The following AMBRA1 variants were observed in gnomAD, a reference collection of about 807,000 sequenced individuals.
AMBRA1 encodes the protein autophagy and beclin 1 regulator 1.
AMBRA1 carries 47 observed loss-of-function variants against 125.4 expected under a neutral mutation model. That is an observed-to-expected ratio of 0.37 (90% CI 0.30 to 0.48). The LOEUF (loss-of-function observed/expected upper bound fraction) is 0.48. Ranked by LOEUF, AMBRA1 falls within the 20% of genes least tolerant of loss-of-function variation. The probability of loss-of-function intolerance (pLI) is 0.99; values close to 1 mark genes in which losing one functional copy is unlikely to be tolerated. For missense variants in AMBRA1, 1,331 were observed against 1,693.4 expected (o/e 0.79, Z 3.76); for synonymous variants, 626 against 655.5 (o/e 0.95, Z 0.69).
At chr11:46,528,799 G>C (rs1193964998) in intron 7 of AMBRA1, among the ~76,000 whole-genome samples, 1 of 152,076 alleles carries the variant, frequency 6.6e-6, no homozygotes, top group African/African-American at 2.4e-5. Flanking sequence ...AGATAAAAAG[G>C]GTTACATGTG....
chr11:46,464,861 A>G (rs967085548), intron 11 of AMBRA1, among the ~76,000 whole-genome samples: 1 of 152,094 alleles, frequency 6.6e-6, no homozygotes, highest in South Asian at 2.1e-4. Context: ...CCTGGCCAAC[A>G]GGGTGAAACC....
chr11:46,538,948 T>A (rs1952611863), intron 7 of AMBRA1, among the ~76,000 whole-genome samples: 1 of 152,186 alleles, frequency 6.6e-6, no homozygotes, highest in African/African-American at 2.4e-5. Context: ...GTAGCAGCAT[T>A]TCAAATGCTC....
chr11:46,449,040 T>C (rs1338627270), intron 11 of AMBRA1, among the ~76,000 whole-genome samples: 2 of 152,170 alleles, frequency 1.3e-5, no homozygotes, highest in African/African-American at 2.4e-5. Flanking sequence ...CTCTAACGTC[T>C]CTTCCAGAAA....
In AMBRA1 at chr11:46,499,477, C is replaced by T. The variant is rs190816784; in HGVS notation, c.2340-5273G>A. Among the ~76,000 whole-genome samples, 204 of 152,168 alleles carry T rather than the reference C, an allele frequency of 1.3e-3. No homozygotes were observed. In the Middle Eastern group the frequency reaches 0.017, roughly 13 times the overall value. ...TCTAAAGTTGCTAAGCAATATTACA[C>T]GTTTTTAAGCAATAAATCAAAGTCC... On this transcript the variant is annotated intron_variant, in intron 9 of 17. Coordinates refer to ENST00000683756, the MANE Select transcript of AMBRA1 (RefSeq NM_001387011.1).
chr11:46,469,086 T>C (rs1949461518), intron 11 of AMBRA1, among the ~76,000 whole-genome samples: 1 of 152,108 alleles, frequency 6.6e-6, no homozygotes. Context: ...GAGGTTGCAG[T>C]GAGCCGAAAT....
intron 7 of AMBRA1, among the ~76,000 whole-genome samples, chr11:46,515,923 T>C (rs1951460625): frequency 6.6e-6 from 1 of 152,172 alleles, no homozygotes. Context: ...ATCCGCCCGC[T>C]TTGGCCTCCC....
Position 46,433,576 on chromosome 11 carries a change from C to T in AMBRA1, c.2874G>A (p.Val958=). ...GCAGGATCCTTCGTGAGGCCAAGCC[C>T]ACCATTACATATCTGCCCATTGGGG... ...SLSPMGRYVM[V]GLASRRILLH... The change falls in exon 14 of 18, where the codon GTG becomes GTA. Residue 958 remains valine (V), a synonymous_variant. Coordinates refer to ENST00000683756, the MANE Select transcript of AMBRA1 (RefSeq NM_001387011.1). 1 of 1,614,174 alleles carries T rather than the reference C, an allele frequency of 6.2e-7. No homozygotes were observed. The highest frequency in any genetic ancestry group is 8.5e-7 in the Non-Finnish European group (1 of 1,180,000).
At chr11:46,469,890 C>T (rs1482415708) in intron 11 of AMBRA1, among the ~76,000 whole-genome samples, 1 of 147,454 alleles carries the variant, frequency 6.8e-6, no homozygotes, top group Non-Finnish European at 1.5e-5. Context: ...GTTGCCCAGA[C>T]TGGTCTCGAA....
chr11:46,552,990 G>A (rs2043056226), intron 1 of AMBRA1, among the ~76,000 whole-genome samples: 1 of 151,714 alleles, frequency 6.6e-6, no homozygotes, highest in Admixed American at 6.6e-5. Context: ...CCGTCACCCA[G>A]GCTGCAGTGC....
chr11:46,580,824 C>G (rs2044143570), intron 1 of AMBRA1, among the ~76,000 whole-genome samples: 1 of 152,128 alleles, frequency 6.6e-6, no homozygotes, highest in African/African-American at 2.4e-5. Flanking sequence ...CAGAGCCTTG[C>G]TCTGTCACCC....
intron 14 of AMBRA1, among the ~76,000 whole-genome samples, chr11:46,433,266 T>C (rs1221088580): frequency 6.6e-6 from 1 of 152,188 alleles, no homozygotes; most frequent in African/African-American, 2.4e-5. Flanking sequence ...GCACATATTC[T>C]AGGGTGTGAG....
chr11:46,546,192 T>G (rs1953009621), intron 4 of AMBRA1: 2 of 154,546 alleles, frequency 1.3e-5, no homozygotes, highest in Non-Finnish European at 2.9e-5. Flanking sequence ...CATGGCACCA[T>G]GCTCAGCTAA....
intron 11 of AMBRA1, among the ~76,000 whole-genome samples, chr11:46,465,236 C>T (rs1177847295): frequency 6.6e-6 from 1 of 152,114 alleles, no homozygotes; most frequent in African/African-American, 2.4e-5. Flanking sequence ...CCAATAAAGG[C>T]TCATGCTCCT....
chr11:46,539,341 T>G (rs1952628357), intron 7 of AMBRA1, among the ~76,000 whole-genome samples: 1 of 152,102 alleles, frequency 6.6e-6, no homozygotes, highest in South Asian at 2.1e-4. Context: ...GCAGATCACC[T>G]GAGGTCGGGA....
intron 11 of AMBRA1, among the ~76,000 whole-genome samples, chr11:46,479,482 A>G (rs571818635): frequency 6.6e-6 from 1 of 152,310 alleles, no homozygotes; most frequent in South Asian, 2.1e-4. Context: ...CAGAACTCTG[A>G]GGTCAGGAGT....
intron 11 of AMBRA1, among the ~76,000 whole-genome samples, chr11:46,473,929 C>T (rs1288958511): frequency 2.0e-5 from 3 of 152,172 alleles, no homozygotes; most frequent in South Asian, 4.1e-4. Flanking sequence ...GGATTACAGG[C>T]GTGAGCCACC....
chr11:46,508,211 G>C lies in AMBRA1; in HGVS notation c.2319C>G (p.Asp773Glu). ...CTTACTCAAAGTCCTCAAATTCCAA[G>C]TCGGTTCCCTCTACTGATGGACCCT... ...DNQGPSVEGTDLEFEDFEDNG... is the reference protein window; with the variant it reads ...DNQGPSVEGTELEFEDFEDNG... The change falls in exon 9 of 18, where the codon GAC becomes GAG. Residue 773 changes from aspartate to glutamate, a missense_variant. By Grantham distance (45) the Asp-to-Glu change is conservative. Coordinates refer to ENST00000683756, the MANE Select transcript of AMBRA1 (RefSeq NM_001387011.1). 1 of 1,614,168 alleles carries C rather than the reference G, an allele frequency of 6.2e-7. No individual in the cohort carries two copies. The highest frequency in any genetic ancestry group is 2.2e-5 in the East Asian group (1 of 44,876).
At chr11:46,452,346 T>C (rs1486157919) in intron 11 of AMBRA1, among the ~76,000 whole-genome samples, 1 of 152,098 alleles carries the variant, frequency 6.6e-6, no homozygotes, top group Admixed American at 6.6e-5. Flanking sequence ...TTTGTTGTTG[T>C]TGTTGTTGTT....
intron 17 of AMBRA1, 79 bp from the exon 18 acceptor site, chr11:46,398,022 C>T: frequency 6.7e-7 from 1 of 1,498,704 alleles, no homozygotes; most frequent in African/African-American, 1.4e-5. Flanking sequence ...CCACCGGTAG[C>T]AGCTGGGGGA....
Sources: allele counts gnomAD v4.1 joint callset (sites outside exome capture counted in the v4.1 genomes callset), GRCh38; gene constraint gnomAD v4.1.1; transcripts MANE v1.5; gene names NCBI Gene and HGNC (gene_info 2026-07-23, HGNC 2026-07-21).